TMIGD3: variants seen among roughly 807,000 people sequenced by gnomAD.
The protein encoded by TMIGD3 is transmembrane and immunoglobulin domain containing 3.
Under a neutral mutation model 28.1 loss-of-function variants are expected in TMIGD3, and 21 were observed. That is an observed-to-expected ratio of 0.75 (90% CI 0.53 to 1.08). TMIGD3 has a LOEUF of 1.08. TMIGD3 is among the 50% of genes least tolerant of loss of function. The pLI, the probability that TMIGD3 is intolerant of heterozygous loss-of-function variation, is 0.00. For missense variants in TMIGD3, 416 were observed against 435.6 expected, an observed-to-expected ratio of 0.96 and a Z score of 0.40; for synonymous variants, 151 against 162.1, an observed-to-expected ratio of 0.93 and a Z score of 0.52.
Position 111,483,532 on chromosome 1 carries a change from C to T in TMIGD3, c.*155G>A. ...TCTATCATAGCTCCTCTGACTACCG[C>T]CGTTGCTACCTGGCTGCAAATGATT... On this transcript the variant is annotated 3_prime_UTR_variant, in exon 6 of 6. Coordinates refer to ENST00000369716, the MANE Select transcript of TMIGD3 (RefSeq NM_020683.7). 5.8e-6 allele frequency: 4 copies of T among 694,312 alleles called. No individual in the cohort carries two copies. The South Asian group carries it at 6.3e-5, about 11-fold the overall frequency. 43.0% of individuals were successfully genotyped at this position (694,312 alleles called of 1,614,324 possible). A position where few individuals can be genotyped will look rare whatever the true frequency, so the allele number is the denominator to read the frequency against.
At chr1:111,508,629 C>A (rs1655592387), upstream of TMIGD3, among the ~76,000 whole-genome samples, 1 of 152,218 alleles carries the variant, frequency 6.6e-6, no homozygotes, top group South Asian at 2.1e-4. Flanking sequence ...CCTCCTGACT[C>A]CAGAAGGTTG....
chr1:111,539,707 C>T (rs1656753794), intron 1 of TMIGD3, among the ~76,000 whole-genome samples: 1 of 152,138 alleles, frequency 6.6e-6, no homozygotes, highest in East Asian at 1.9e-4. Context: ...CACTGTCAAT[C>T]ATAACTTTCT....
chr1:111,560,161 G>T (rs1490243145), intron 1 of TMIGD3, among the ~76,000 whole-genome samples: 1 of 152,108 alleles, frequency 6.6e-6, no homozygotes, highest in Non-Finnish European at 1.5e-5. Flanking sequence ...CATTCTCTTA[G>T]CATACTTATC....
chr1:111,514,382 A>G (rs1557831039), intron 1 of TMIGD3, among the ~76,000 whole-genome samples: 1 of 152,118 alleles, frequency 6.6e-6, no homozygotes. Flanking sequence ...CTGTCTCTAC[A>G]AAAAAAATTC....
At chr1:111,487,462 A>G (rs981497604) in intron 3 of TMIGD3, among the ~76,000 whole-genome samples, 3 of 151,386 alleles carry the variant, frequency 2.0e-5, no homozygotes, top group Admixed American at 2.0e-4. Context: ...ATAGAAAAGG[A>G]CATCCTTTCT....
chr1:111,551,144 CTTTTACA>C (rs1360449522), intron 1 of TMIGD3, among the ~76,000 whole-genome samples: 5 of 152,106 alleles, frequency 3.3e-5, no homozygotes. Context: ...TAAAGGGAGA[CTTTTACA>C]AACAGCATAT....
At chr1:111,517,258 A>G (rs1485456600) in intron 1 of TMIGD3, among the ~76,000 whole-genome samples, 8 of 152,168 alleles carry the variant, frequency 5.3e-5, no homozygotes, top group Non-Finnish European at 7.4e-5. Flanking sequence ...GACATTTCCA[A>G]GAAATGTTCT....
At chr1:111,523,085 T>A (rs1014914766) in intron 1 of TMIGD3, among the ~76,000 whole-genome samples, 1 of 152,184 alleles carries the variant, frequency 6.6e-6, no homozygotes, top group African/African-American at 2.4e-5. Context: ...AAGCATTCAG[T>A]CTTTTATCAT....
intron 1 of TMIGD3, chr1:111,499,719 C>T (rs1489563606): frequency 2.2e-6 from 3 of 1,357,562 alleles, no homozygotes; most frequent in Non-Finnish European, 2.9e-6. Flanking sequence ...ACGTTGTCCC[C>T]AAGTCAGGCC....
chr1:111,495,484 G>A (rs6684144), intron 1 of TMIGD3, among the ~76,000 whole-genome samples: 71,958 of 152,086 alleles, frequency 0.47, 18,798 homozygotes, highest in Admixed American at 0.61. Flanking sequence ...TGAAGCTGCA[G>A]AGAAAAGAGA....
At chr1:111,562,795 G>T (rs1462426396) in intron 1 of TMIGD3, among the ~76,000 whole-genome samples, 1 of 152,186 alleles carries the variant, frequency 6.6e-6, no homozygotes, top group South Asian at 2.1e-4. Flanking sequence ...CTAAAACCAA[G>T]ATTAGCTTTG....
intron 1 of TMIGD3, chr1:111,563,794 C>G: frequency 6.9e-7 from 1 of 1,446,708 alleles, no homozygotes; most frequent in Non-Finnish European, 9.6e-7. Flanking sequence ...AGTATGCAGA[C>G]TCAGACCCCA....
chr1:111,510,548 C>G (rs1331952656), intron 1 of TMIGD3, among the ~76,000 whole-genome samples: 14 of 151,920 alleles, frequency 9.2e-5, no homozygotes, highest in Admixed American at 9.2e-4. Flanking sequence ...GTGTGAGCAG[C>G]CAGGAGTGTC....
intron 1 of TMIGD3, among the ~76,000 whole-genome samples, chr1:111,563,340 G>T (rs1401332569): frequency 6.6e-6 from 1 of 152,126 alleles, no homozygotes; most frequent in African/African-American, 2.4e-5. Flanking sequence ...ACAACAAGCA[G>T]CTTACTGTCT....
rs576314977 is a variant in TMIGD3, at chr1:111,551,052, C to T, written c.107+12794G>A. ...TTGTCTGGTTTTAGGATAGCCACTT[C>T]AACTCTCTTTTTGCTACTGTTTGCA... On this transcript the variant is annotated intron_variant, in intron 1 of 5. Coordinates refer to the TMIGD3 transcript ENST00000369717. 2.6e-5 allele frequency among the ~76,000 whole-genome samples: 4 copies of T among 152,262 alleles called. No homozygotes were observed. The South Asian group carries it at 8.3e-4, about 32-fold the overall frequency.
intron 2 of TMIGD3, among the ~76,000 whole-genome samples, chr1:111,489,888 G>C (rs978851263): frequency 7.2e-5 from 11 of 152,134 alleles, no homozygotes; most frequent in Admixed American, 3.3e-4. Context: ...ACCATGTCCA[G>C]CTTGACCATG....
chr1:111,562,225 TC>T (rs1657770071), intron 1 of TMIGD3, among the ~76,000 whole-genome samples: 1 of 152,092 alleles, frequency 6.6e-6, no homozygotes, highest in Non-Finnish European at 1.5e-5. Context: ...CACCACTTCT[TC>T]CCCTATGTTC....
chr1:111,555,667 G>C lies in TMIGD3; in HGVS notation c.107+8179C>G, dbSNP rs189626547. 2.4e-3 allele frequency among the ~76,000 whole-genome samples: 365 copies of C among 152,160 alleles called. 2 individuals carry two copies. The highest frequency in any genetic ancestry group is 6.8e-3 in the African/African-American group (284 of 41,540). On this transcript the variant is annotated intron_variant, in intron 1 of 5. Transcript: ENST00000369717. Reference sequence around the variant, plus strand: ...GGATTAAAAAGGTAATATTCAAAGAGATACTGTCTTTTCAACAAATGGTGT... The same window carrying C: ...GGATTAAAAAGGTAATATTCAAAGACATACTGTCTTTTCAACAAATGGTGT...
intron 1 of TMIGD3, among the ~76,000 whole-genome samples, chr1:111,539,767 A>G (rs1470655104): frequency 2.0e-5 from 3 of 152,214 alleles, no homozygotes; most frequent in African/African-American, 7.2e-5. Context: ...TGTTTGAGGC[A>G]GCTTATTCCA....
Sources: gnomAD v4.1 joint callset for allele counts (sites outside exome capture counted in the v4.1 genomes callset) on GRCh38, gnomAD v4.1.1 for gene constraint, MANE v1.5 for transcripts, NCBI Gene and HGNC (gene_info 2026-07-23, HGNC 2026-07-21) for gene names.